TRIOBP: variants seen among roughly 807,000 people sequenced by gnomAD.
The protein encoded by TRIOBP is TRIO and F-actin-binding protein.
A neutral mutation model predicts 238.8 loss-of-function variants in TRIOBP; 169 were observed. The observed-to-expected ratio is 0.71, with a 90% CI of 0.62 to 0.80. The LOEUF (loss-of-function observed/expected upper bound fraction) is 0.80. Ranked by LOEUF, TRIOBP falls within the 30% of genes least tolerant of loss-of-function variation. The pLI, the probability that TRIOBP is intolerant of heterozygous loss-of-function variation, is 0.00. For synonymous variants in TRIOBP, 1,150 were observed against 1,274.4 expected (o/e 0.90, Z 2.08); for missense variants, 2,838 against 3,122.6 (o/e 0.91, Z 2.17).
At chr22:37,717,390 G>C (rs1923578064) in intron 6 of TRIOBP, among the ~76,000 whole-genome samples, 1 of 152,192 alleles carries the variant, frequency 6.6e-6, no homozygotes. Flanking sequence ...GCCAGAGCTG[G>C]CTGGGGCAGC....
intron 14 of TRIOBP, 60 bp downstream of exon 14, chr22:37,755,250 G>A: frequency 6.5e-7 from 1 of 1,545,926 alleles, no homozygotes; most frequent in Non-Finnish European, 8.8e-7. Context: ...GTCCCTGGGG[G>A]AGGTTTTGGT....
At position 37,774,184 on chromosome 22, in the gene TRIOBP, G is replaced by A. The variant is rs978274975; in HGVS notation, c.*404G>A. The A allele has an allele frequency of 1.3e-5, 2 of 149,628 alleles. No homozygotes were observed. Among genetic ancestry groups the A allele is most frequent in the Non-Finnish European group, 3.0e-5 (2 of 67,778 alleles). 9.3% of individuals were successfully genotyped at this position (149,628 alleles called of 1,614,324 possible). ...GTGCCTCCAACCCTGGTCCCCCTCT[G>A]TCTCCAGCCACCCTCTGCTTGGGCT... On this transcript the variant is annotated 3_prime_UTR_variant, in exon 24 of 24. Coordinates refer to ENST00000644935, the MANE Select transcript of TRIOBP (RefSeq NM_001039141.3).
rs760311879 is a variant in TRIOBP, at chr22:37,726,504, G to A, written c.3947+1G>A. 3 of 1,497,902 alleles carry A rather than the reference G, an allele frequency of 2.0e-6. No individual in the cohort carries two copies. Among genetic ancestry groups the A allele is most frequent in the East Asian group, 5.0e-5 (2 of 40,402 alleles). The allele number at this position is 1,497,902 out of a possible 1,614,324, so 92.8% of individuals were successfully genotyped here. A position where few individuals can be genotyped will look rare whatever the true frequency, so the allele number is the denominator to read the frequency against. On this transcript the variant is annotated splice_donor_variant, in intron 7 of 23. Transcript: ENST00000644935. LOFTEE classifies it high-confidence loss of function. ...AGCGCCTCTTCGGGCAAGAGCGCAG[G>A]TGAGCCCGGGGGTGGGGTCAGCCAG...
intron 3 of TRIOBP, 34 bp downstream of exon 3, chr22:37,701,513 G>A (rs1215547064): frequency 6.7e-7 from 1 of 1,496,570 alleles, no homozygotes; most frequent in South Asian, 1.2e-5. Context: ...GGGGTGGTTT[G>A]TGATGGGGGC....
chr22:37,756,601 G>A (rs912983174), intron 15 of TRIOBP, among the ~76,000 whole-genome samples: 6 of 152,182 alleles, frequency 3.9e-5, no homozygotes, highest in African/African-American at 1.4e-4. Flanking sequence ...TAACTTCATC[G>A]AGATAGATGT....
At chr22:37,767,453 G>T (rs1410744220) in intron 18 of TRIOBP, among the ~76,000 whole-genome samples, 2 of 152,186 alleles carry the variant, frequency 1.3e-5, no homozygotes, top group Non-Finnish European at 2.9e-5. Context: ...TGAGAATAAA[G>T]CCAGCAGGAG....
chr22:37,725,487 C>T lies in TRIOBP; in HGVS notation c.2931C>T (p.Thr977=), dbSNP rs1924089665. The T allele has an allele frequency of 6.2e-7, 1 of 1,613,586 alleles. No individual in the cohort carries two copies. The highest frequency in any genetic ancestry group is 8.5e-7 in the Non-Finnish European group (1 of 1,179,942). ...PTQYNLPSRA[T]SSSHNPGHQS... ...AGTACAACTTGCCATCCCGGGCCACCTCTTCCTCCCATAACCCAGGCCACC... is the reference window on the plus strand; with the variant it reads ...AGTACAACTTGCCATCCCGGGCCACTTCTTCCTCCCATAACCCAGGCCACC... Residue 977 remains threonine (T), a synonymous_variant, in exon 7 of 24, where the codon ACC becomes ACT. Transcript: ENST00000644935.
chr22:37,745,874 C>A (rs1925199788), intron 11 of TRIOBP, among the ~76,000 whole-genome samples: 1 of 152,278 alleles, frequency 6.6e-6, no homozygotes, highest in African/African-American at 2.4e-5. Context: ...TCGGGAAGCG[C>A]AGCCTGGGCG....
At chr22:37,739,847 C>A (rs1412585632) in intron 10 of TRIOBP, among the ~76,000 whole-genome samples, 1 of 152,228 alleles carries the variant, frequency 6.6e-6, no homozygotes, top group African/African-American at 2.4e-5. Flanking sequence ...GCGGAAACAG[C>A]AATGCCGGGG....
Position 37,764,315 on chromosome 22 carries a change from T to G in TRIOBP, c.6325-1355T>G, listed in dbSNP as rs149710042. Among the ~76,000 whole-genome samples, 113 of 152,360 alleles carry G rather than the reference T, an allele frequency of 7.4e-4. 1 individual carries two copies. Among genetic ancestry groups the G allele is most frequent in the African/African-American group, 2.7e-3 (111 of 41,584 alleles). On this transcript the variant is annotated intron_variant, in intron 17 of 23. Transcript: ENST00000644935. ...TGTGTTTTCTGTGTTTTCCATTCAC[T>G]GGGACGGACAGGTCTGCACGTTTGT...
chr22:37,734,618 CAG>C lies in TRIOBP; in HGVS notation c.4285_4286del (p.Gln1430GlyfsTer11). On this transcript the variant is annotated frameshift_variant, in exon 9 of 24. Transcript: ENST00000644935. LOFTEE classifies it high-confidence loss of function. ...AGPRQPLGVW[Q>X]SQEEPPGSQG... ...CCCAAGACAGCCTCTGGGGGTGTGG[CAG>C]AGTCAGGAGGAACCGCCAGGGTCCC... The C allele has an allele frequency of 6.3e-7, 1 of 1,584,448 alleles. No individual in the cohort carries two copies. Among genetic ancestry groups the C allele is most frequent in the Non-Finnish European group, 8.6e-7 (1 of 1,165,770 alleles).
At chr22:37,762,338 G>A (rs1336466797) in intron 17 of TRIOBP, among the ~76,000 whole-genome samples, 1 of 152,166 alleles carries the variant, frequency 6.6e-6, no homozygotes, top group African/African-American at 2.4e-5. Context: ...AGTGCTGGGG[G>A]TACAAGTGTG....
chr22:37,716,572 G>A (rs892741502), intron 6 of TRIOBP, among the ~76,000 whole-genome samples: 12 of 152,166 alleles, frequency 7.9e-5, no homozygotes, highest in Non-Finnish European at 1.3e-4. Flanking sequence ...TGGGATTACA[G>A]GCACCCGCCA....
chr22:37,770,147 C>T (rs1250132635), intron 21 of TRIOBP, among the ~76,000 whole-genome samples: 9 of 146,064 alleles, frequency 6.2e-5, no homozygotes, highest in African/African-American at 1.3e-4. Flanking sequence ...CAGGTTAAAA[C>T]GATTCTCCTG....
intron 3 of TRIOBP, among the ~76,000 whole-genome samples, chr22:37,709,813 C>T (rs1923139783): frequency 6.6e-6 from 1 of 152,200 alleles, no homozygotes. Flanking sequence ...CGCCCTTTTC[C>T]TGGGGCCTTG....
In TRIOBP at chr22:37,734,532, C is replaced by T. The variant is rs1377180491; in HGVS notation, c.4196C>T (p.Ser1399Leu). 1.9e-6 allele frequency: 3 copies of T among 1,601,512 alleles called. No individual in the cohort carries two copies. The highest frequency in any genetic ancestry group is 1.7e-6 in the Non-Finnish European group (2 of 1,174,660). The change falls in exon 9 of 24, where the codon TCA becomes TTA. Residue 1399 changes from serine (S) to leucine (L), a missense_variant. By Grantham distance (145) the Ser-to-Leu change is moderately radical. Transcript: ENST00000644935. ...GGGTCCCCGCTGCCCCCCAGGACAT[C>T]AGCCAGGACCCCTGAGAGGGAGCTG... The part of the protein sequence containing the change: ...LQGSPLPPRT[S>L]ARTPERELRT...
intron 11 of TRIOBP, 149 bp from the exon 12 acceptor site, chr22:37,751,623 G>A: frequency 1.2e-6 from 1 of 806,792 alleles, no homozygotes; most frequent in South Asian, 1.5e-5. Flanking sequence ...GGACTTGGGG[G>A]TTACCTAGGG....
intron 6 of TRIOBP, among the ~76,000 whole-genome samples, chr22:37,716,343 C>A (rs1437999893): frequency 2.0e-5 from 3 of 151,550 alleles, no homozygotes; most frequent in Non-Finnish European, 4.4e-5. Flanking sequence ...AACTCCCAAC[C>A]TTCAGTGATC....
rs1226470410 is a variant in TRIOBP at position 37,759,176 on chromosome 22, T to G, written c.6236T>G (p.Leu2079Arg). 6.2e-7 allele frequency: 1 copy of G among 1,612,770 alleles called. No individual in the cohort carries two copies. The highest frequency in any genetic ancestry group is 2.2e-5 in the East Asian group (1 of 44,890). The change falls in exon 17 of 24, where the codon CTG becomes CGG. Residue 2079 changes from leucine to arginine, a missense_variant. This residue lies in a region of TRIOBP where 2,096 missense variants were observed against 2,137.4 expected (regional missense o/e 0.98). Coordinates refer to ENST00000644935, the MANE Select transcript of TRIOBP (RefSeq NM_001039141.3). ...EKEVQALRAQ[L>R]EAWRLQGEAP... ...TAGGTTCAGGCTCTTCGGGCCCAGCTGGAGGCGTGGCGTCTCCAAGGGGAG... is the reference window on the plus strand; with the variant it reads ...TAGGTTCAGGCTCTTCGGGCCCAGCGGGAGGCGTGGCGTCTCCAAGGGGAG...
Sources: allele counts gnomAD v4.1 joint callset (sites outside exome capture counted in the v4.1 genomes callset), GRCh38; gene constraint gnomAD v4.1.1; regional missense constraint gnomAD v4.1.1; transcripts MANE v1.5; gene names NCBI Gene and HGNC (gene_info 2026-07-23, HGNC 2026-07-21).